SIPA1L2: variants seen among roughly 807,000 people sequenced by gnomAD.
The protein encoded by SIPA1L2 is signal-induced proliferation-associated 1-like protein 2.
In SIPA1L2, 56 loss-of-function variants were observed where a neutral mutation model predicts 163.9. The ratio of observed to expected loss-of-function variants is 0.34; its 90% CI spans 0.28 to 0.43. The LOEUF (loss-of-function observed/expected upper bound fraction) is 0.43. Among genes scored for constraint, SIPA1L2 ranks in the 20% least tolerant of loss-of-function variants. The pLI is 1.00. For missense variants in SIPA1L2, 1,974 were observed against 2,193.5 expected (o/e 0.90, Z 2.00); for synonymous variants, 877 against 865.7 (o/e 1.01, Z -0.23).
chr1:232,598,230 T>C (rs1374801749), intron 1 of SIPA1L2, among the ~76,000 whole-genome samples: 1 of 74,074 alleles, frequency 1.3e-5, no homozygotes, highest in Non-Finnish European at 3.4e-5. Context: ...AGTGAAACCC[T>C]GTCTGTTAAA....
Position 232,572,839 on chromosome 1 carries a change from C to T in SIPA1L2, c.-270+1335G>A, listed in dbSNP as rs573215029. Among the ~76,000 whole-genome samples the T allele has an allele frequency of 9.3e-5, 14 of 150,102 alleles. No homozygotes were observed. The South Asian group carries it at 2.7e-3, about 29-fold the overall frequency. On this transcript the variant is annotated intron_variant, in intron 2 of 22. Transcript: ENST00000674635. ...AGCTGCCCAGGCTGGAGTGCAATGGCGCAATCTCGGCTCACCGCAACCTCC... is the reference window on the plus strand; with the variant it reads ...AGCTGCCCAGGCTGGAGTGCAATGGTGCAATCTCGGCTCACCGCAACCTCC...
At chr1:232,486,243 G>A (rs1489884149) in intron 5 of SIPA1L2, among the ~76,000 whole-genome samples, 3 of 152,120 alleles carry the variant, frequency 2.0e-5, no homozygotes, top group East Asian at 1.9e-4. Flanking sequence ...TCTCTGACTC[G>A]GAGAGCCTTG....
At chr1:232,599,847 A>C (rs1029802688) in intron 1 of SIPA1L2, among the ~76,000 whole-genome samples, 1 of 152,382 alleles carries the variant, frequency 6.6e-6, no homozygotes, top group South Asian at 2.1e-4. Context: ...TGCATGCTCG[A>C]AAGTATTCAA....
At position 232,428,485 on chromosome 1, in the gene SIPA1L2, G is replaced by T; in HGVS notation, c.4336C>A (p.His1446Asn). 1 of 1,600,430 alleles carries T rather than the reference G, an allele frequency of 6.2e-7. No individual in the cohort carries two copies. The highest frequency in any genetic ancestry group is 1.1e-5 in the South Asian group (1 of 88,596). ...VVGDAVAETQ[H>N]VLSKEDFLKL... ...AGAAAATCTTCTTTAGACAGAACAT[G>T]TTGAGTCTCTGCAACAGCATCTCCC... Residue 1446 changes from histidine (H) to asparagine (N), a missense_variant, in exon 17 of 23, where the codon CAT (histidine) becomes AAT (asparagine). Around this residue, in one of 3 missense-constraint regions of SIPA1L2, gnomAD observed 1,079 missense variants for 1,150.7 expected, o/e 0.94. Transcript: ENST00000674635.
At chr1:232,508,541 G>A (rs1035377775) in intron 3 of SIPA1L2, among the ~76,000 whole-genome samples, 1 of 152,220 alleles carries the variant, frequency 6.6e-6, no homozygotes, top group Non-Finnish European at 1.5e-5. Context: ...TGCTACAATG[G>A]AAACCAGACT....
At chr1:232,569,084 G>T (rs1659570849) in intron 2 of SIPA1L2, among the ~76,000 whole-genome samples, 1 of 152,136 alleles carries the variant, frequency 6.6e-6, no homozygotes, top group South Asian at 2.1e-4. Context: ...ACTCTTGAGA[G>T]CCCACAGTCT....
intron 10 of SIPA1L2, among the ~76,000 whole-genome samples, chr1:232,445,988 C>T (rs1325347699): frequency 6.6e-6 from 1 of 152,310 alleles, no homozygotes; most frequent in South Asian, 2.1e-4. Flanking sequence ...TCCTCTTCTG[C>T]CAGCAATGAC....
At chr1:232,445,825 C>T in intron 10 of SIPA1L2, 39 bp from the exon 11 acceptor site, 1 of 1,592,208 alleles carries the variant, frequency 6.3e-7, no homozygotes, top group Non-Finnish European at 8.6e-7. Context: ...GGGAAGCTCT[C>T]AGCTGAGCTG....
rs1662912953 is a variant in SIPA1L2 at position 232,441,798 on chromosome 1, C to T, written c.3508G>A (p.Glu1170Lys). 1 of 1,613,860 alleles carries T rather than the reference C, an allele frequency of 6.2e-7. No homozygotes were observed. The highest frequency in any genetic ancestry group is 1.3e-5 in the African/African-American group (1 of 74,916). The change falls in exon 13 of 23, where the codon GAA becomes AAA. Residue 1170 changes from glutamate to lysine, a missense_variant. By Grantham distance (56) the Glu-to-Lys change is moderately conservative. This residue lies in a region of SIPA1L2 where 1,079 missense variants were observed against 1,150.7 expected (regional missense o/e 0.94). Transcript: ENST00000674635. ...PLECDGAREREDTMEASRHPE... is the reference protein window; with the variant it reads ...PLECDGARERKDTMEASRHPE... ...TGCCTGCTTGCTTCCATGGTGTCTT[C>T]CCTCTCCCTGGCTCCGTCACATTCC...
chr1:232,530,389 C>G (rs1466285106), intron 2 of SIPA1L2, among the ~76,000 whole-genome samples: 2 of 152,170 alleles, frequency 1.3e-5, no homozygotes, highest in Non-Finnish European at 2.9e-5. Flanking sequence ...GCTGGGATTA[C>G]AGGCGTGAGC....
At chr1:232,528,529 T>G (rs187271503) in intron 2 of SIPA1L2, among the ~76,000 whole-genome samples, 2 of 152,202 alleles carry the variant, frequency 1.3e-5, no homozygotes, top group Non-Finnish European at 2.9e-5. Context: ...ATTCATTAAC[T>G]TCAAGCATCT....
In SIPA1L2 at chr1:232,461,020, C is replaced by G; in HGVS notation, c.2962G>C (p.Gly988Arg). 6.2e-7 allele frequency: 1 copy of G among 1,614,278 alleles called. No individual in the cohort carries two copies. The highest frequency in any genetic ancestry group is 8.5e-7 in the Non-Finnish European group (1 of 1,180,048). ...TTGCAGATCTCCACGAGGCGGCTCC[C>G]TTGGCGAAGGCCAGCCTTCCAGGCA... ...GFAWKAGLRQGSRLVEICKVA... is the reference protein window; with the variant it reads ...GFAWKAGLRQRSRLVEICKVA... The change falls in exon 10 of 23, where the codon GGG becomes CGG. Residue 988 changes from glycine to arginine, a missense_variant. Gly to Arg is a moderately radical substitution (Grantham distance 125, BLOSUM62 -2). Transcript: ENST00000674635.
Position 232,579,026 on chromosome 1 carries a change from C to T in SIPA1L2, c.-318-4804G>A, listed in dbSNP as rs934787165. Among the ~76,000 whole-genome samples, 17 of 152,304 alleles carry T rather than the reference C, an allele frequency of 1.1e-4. No homozygotes were observed. The South Asian group carries it at 2.9e-3, about 26-fold the overall frequency. On this transcript the variant is annotated intron_variant, in intron 1 of 22. Coordinates refer to ENST00000674635, the MANE Select transcript of SIPA1L2 (RefSeq NM_020808.5). ...CCAAGTGTGAGGGGGAAAGGTTCTCCCCTGTTCCCTGGTCTATCACTGCGA... is the reference window on the plus strand; with the variant it reads ...CCAAGTGTGAGGGGGAAAGGTTCTCTCCTGTTCCCTGGTCTATCACTGCGA...
chr1:232,452,095 C>T (rs1663617621), intron 10 of SIPA1L2, among the ~76,000 whole-genome samples: 1 of 147,074 alleles, frequency 6.8e-6, no homozygotes, highest in African/African-American at 2.5e-5. Flanking sequence ...TATTTTACTG[C>T]TGTATTCTAA....
At chr1:232,404,032 G>T in intron 20 of SIPA1L2, 93 bp downstream of exon 20, 1 of 1,419,688 alleles carries the variant, frequency 7.0e-7, no homozygotes, top group Non-Finnish European at 9.9e-7. Context: ...CCAACCCTCA[G>T]GGCGTGAATA....
rs1664424203 is a variant in SIPA1L2 at position 232,464,836 on chromosome 1, T to G, written c.2820+4A>C. ...TGGCGGGAAAATAGAAAACATGTAC[T>G]TACTACTAATCGCTGAACAATTTCC... On this transcript the variant is annotated splice_donor_region_variant and intron_variant, in intron 9 of 22. Coordinates refer to ENST00000674635, the MANE Select transcript of SIPA1L2 (RefSeq NM_020808.5). 1 of 1,580,046 alleles carries G rather than the reference T, an allele frequency of 6.3e-7. No homozygotes were observed. Among genetic ancestry groups the G allele is most frequent in the African/African-American group, 1.4e-5 (1 of 73,798 alleles).
intron 3 of SIPA1L2, among the ~76,000 whole-genome samples, chr1:232,508,833 T>A (rs892087118): frequency 4.6e-5 from 7 of 152,236 alleles, no homozygotes; most frequent in African/African-American, 1.4e-4. Flanking sequence ...GGCTCACGCC[T>A]GTAATCCCAG....
At chr1:232,482,581 C>A (rs1006271980) in intron 6 of SIPA1L2, among the ~76,000 whole-genome samples, 1 of 152,114 alleles carries the variant, frequency 6.6e-6, no homozygotes, top group Non-Finnish European at 1.5e-5. Flanking sequence ...CCAGCCCTGG[C>A]GTGTGTAGTG....
At chr1:232,574,581 A>G (rs1211866370) in intron 1 of SIPA1L2, among the ~76,000 whole-genome samples, 1 of 152,194 alleles carries the variant, frequency 6.6e-6, no homozygotes. Context: ...TATTTATAAT[A>G]AAATATAAAG....
Sources: gnomAD v4.1 joint callset for allele counts (sites outside exome capture counted in the v4.1 genomes callset) on GRCh38, gnomAD v4.1.1 for gene constraint, gnomAD v4.1.1 regional missense constraint, MANE v1.5 for transcripts, NCBI Gene and HGNC (gene_info 2026-07-23, HGNC 2026-07-21) for gene names.